The following SRGAP3 variants were observed in gnomAD, a reference collection of about 807,000 sequenced individuals.
SRGAP3 encodes the protein SLIT-ROBO Rho GTPase-activating protein 3.
SRGAP3 carries 39 observed loss-of-function variants against 121.1 expected under a neutral mutation model. The observed-to-expected ratio is 0.32, with a 90% confidence interval of 0.25 to 0.42. The LOEUF (loss-of-function observed/expected upper bound fraction) is 0.42. Among genes scored for constraint, SRGAP3 ranks in the 10% least tolerant of loss-of-function variants. The probability of loss-of-function intolerance (pLI) is 1.00; values close to 1 mark genes in which losing one functional copy is unlikely to be tolerated. For synonymous variants in SRGAP3, 601 were observed against 570.0 expected (o/e 1.05, Z -0.77); for missense variants, 1,213 against 1,470.6 (o/e 0.82, Z 2.86).
At chr3:9,287,182 G>A (rs1485040540) in intron 3 of SRGAP3, among the ~76,000 whole-genome samples, 2 of 151,798 alleles carry the variant, frequency 1.3e-5, no homozygotes, top group Non-Finnish European at 2.9e-5. Flanking sequence ...AGTAGAGACA[G>A]GGTTTCACCA....
intron 14 of SRGAP3, among the ~76,000 whole-genome samples, chr3:9,016,712 T>C (rs1192857373): frequency 6.6e-6 from 1 of 152,172 alleles, no homozygotes; most frequent in African/African-American, 2.4e-5. Context: ...CACCCAATGG[T>C]TTTAGCATCC....
At chr3:8,986,079 C>T in intron 21 of SRGAP3, 147 bp from the exon 22 acceptor site, 1 of 1,490,442 alleles carries the variant, frequency 6.7e-7, no homozygotes, top group Admixed American at 2.0e-5. Context: ...GTCTTATAAC[C>T]ACATGGGAGA....
rs185141636 is a variant in SRGAP3, at chr3:9,076,701, C to T, written c.486+3324G>A. Among the ~76,000 whole-genome samples, 1,504 of 151,402 alleles carry T rather than the reference C, an allele frequency of 9.9e-3. 9 individuals are homozygous for T. Among genetic ancestry groups the T allele is most frequent in the Non-Finnish European group, 0.016 (1,103 of 67,780 alleles). Reference sequence around the variant, plus strand: ...CTGAATCTTTTTCCTTCTTGTTCTCCCTCCCTCCCTCCCTCCTCCTCTCAA... The same window carrying T: ...CTGAATCTTTTTCCTTCTTGTTCTCTCTCCCTCCCTCCCTCCTCCTCTCAA... On this transcript the variant is annotated intron_variant, in intron 4 of 21. Coordinates refer to ENST00000383836, the MANE Select transcript of SRGAP3 (RefSeq NM_014850.4).
intron 1 of SRGAP3, among the ~76,000 whole-genome samples, chr3:9,198,068 T>C (rs1416290263): frequency 6.6e-6 from 1 of 152,240 alleles, no homozygotes; most frequent in Non-Finnish European, 1.5e-5. Flanking sequence ...TAGTAAACTG[T>C]GTTATCATAC....
At chr3:9,296,776 A>G (rs923747062) in intron 3 of SRGAP3, among the ~76,000 whole-genome samples, 1 of 152,244 alleles carries the variant, frequency 6.6e-6, no homozygotes, top group Non-Finnish European at 1.5e-5. Context: ...AGCACTTAAC[A>G]TTGTGCCTAG....
intron 3 of SRGAP3, among the ~76,000 whole-genome samples, chr3:9,325,124 T>C (rs1955496467): frequency 6.6e-6 from 1 of 151,854 alleles, no homozygotes; most frequent in Non-Finnish European, 1.5e-5. Context: ...CTTTCAGTTT[T>C]TGTCATTCCA....
Position 9,299,359 on chromosome 3 carries a change from C to CA in SRGAP3, n.442+26650dup, listed in dbSNP as rs35608018. Among the ~76,000 whole-genome samples, 393 of 91,028 alleles carry CA rather than the reference C, an allele frequency of 4.3e-3. 3 individuals are homozygous for CA. The highest frequency in any genetic ancestry group is 8.3e-3 in the African/African-American group (184 of 22,136). The allele number at this position is 91,028 out of a possible 152,430, so 59.7% of individuals were successfully genotyped here. ...CTGGTGGCAGAGCGAGACTCCGTCC[C>CA]AAAAAAAAAAAAAAAAAGAAAAGAA... is the stretch of plus-strand genomic sequence containing the variant. On this transcript the variant is annotated intron_variant and non_coding_transcript_variant, in intron 3 of 3. Transcript: ENST00000490889.
Position 8,994,357 on chromosome 3 carries a change from T to G in SRGAP3, c.2394A>C (p.Ile798=). Residue 798 remains isoleucine (I), a synonymous_variant, in exon 19 of 22, where the codon ATA becomes ATC. Coordinates refer to ENST00000383836, the MANE Select transcript of SRGAP3 (RefSeq NM_014850.4). ...ACTCCACTCACATGTCCTGTACAAC[T>G]ATGTACTGATGGGGGATGAGTCCAT... ...GVDGLIPHQY[I]VVQDMDDAFS... is the part of the protein sequence containing the mutation. 6.2e-7 allele frequency: 1 copy of G among 1,614,168 alleles called. No individual in the cohort carries two copies. The highest frequency in any genetic ancestry group is 1.1e-5 in the South Asian group (1 of 91,084).
chr3:9,110,959 T>C (rs1458361259), intron 2 of SRGAP3, among the ~76,000 whole-genome samples: 2 of 152,260 alleles, frequency 1.3e-5, no homozygotes, highest in Admixed American at 6.5e-5. Context: ...AGCTGTGGAC[T>C]CCGGGCAGGC....
rs1243147025 is a variant in SRGAP3 at position 9,122,708 on chromosome 3, CA to C, written c.260+2016del. ...TGGGTGGCAGAGCAAGACTCCGTCTCAAAAAAAAAAAAAAAAAAGGGAGAAG... is the reference window on the plus strand; with the variant it reads ...TGGGTGGCAGAGCAAGACTCCGTCTCAAAAAAAAAAAAAAAAAGGGAGAAG... On this transcript the variant is annotated intron_variant, in intron 2 of 21. Transcript: ENST00000383836. 6.7e-3 allele frequency among the ~76,000 whole-genome samples: 441 copies of C among 66,200 alleles called. 1 individual carries two copies. The highest frequency in any genetic ancestry group is 0.023 in the East Asian group (52 of 2,296). 43.4% of individuals were successfully genotyped at this position (66,200 alleles called of 152,430 possible).
chr3:9,276,734 C>T (rs936442051), intron 3 of SRGAP3, among the ~76,000 whole-genome samples: 2 of 152,208 alleles, frequency 1.3e-5, no homozygotes, highest in African/African-American at 4.8e-5. Flanking sequence ...CGAATTTTTA[C>T]CATTATTACC....
At chr3:9,201,283 G>A (rs552396022) in intron 1 of SRGAP3, among the ~76,000 whole-genome samples, 9 of 152,294 alleles carry the variant, frequency 5.9e-5, no homozygotes, top group Admixed American at 4.6e-4. Context: ...GTGAGGAAAA[G>A]GGACTGTAAG....
intron 10 of SRGAP3, 83 bp downstream of exon 10, chr3:9,047,308 A>G: frequency 7.0e-7 from 1 of 1,432,136 alleles, no homozygotes; most frequent in Non-Finnish European, 9.7e-7. Flanking sequence ...CTCAAGCCTG[A>G]ACAGCTCAAC....
chr3:9,012,240 T>C (rs917612988), intron 17 of SRGAP3, among the ~76,000 whole-genome samples: 6 of 152,200 alleles, frequency 3.9e-5, no homozygotes. Context: ...ACTAAGGCAA[T>C]TCAAAAGTCC....
intron 18 of SRGAP3, among the ~76,000 whole-genome samples, chr3:9,004,604 A>G (rs1310233473): frequency 6.6e-6 from 1 of 152,244 alleles, no homozygotes; most frequent in Non-Finnish European, 1.5e-5. Flanking sequence ...TGCAAGTTCA[A>G]AAATAAACCC....
chr3:9,177,202 A>C (rs538176728), intron 1 of SRGAP3, among the ~76,000 whole-genome samples: 1 of 152,352 alleles, frequency 6.6e-6, no homozygotes, highest in Non-Finnish European at 1.5e-5. Flanking sequence ...TGTGGACACA[A>C]AAGGAAGCAA....
In SRGAP3 at chr3:9,239,607, A is replaced by T. The variant is rs763814004; in HGVS notation, c.67+9278T>A. Among the ~76,000 whole-genome samples, 1 of 152,212 alleles carries T rather than the reference A, an allele frequency of 6.6e-6. No individual in the cohort carries two copies. The highest frequency in any genetic ancestry group is 2.4e-5 in the African/African-American group (1 of 41,442). ...GGAACCTGGAACACTCTGCTGCAGC[A>T]GTGTGCACCCCATTACCATCACGCA... is the stretch of plus-strand genomic sequence containing the variant. On this transcript the variant is annotated intron_variant, in intron 1 of 21. Transcript: ENST00000383836. The surrounding 1 kb of genome is among the most constrained non-coding windows in gnomAD (Gnocchi z 4.0).
chr3:9,254,428 G>A (rs1187941956), upstream of SRGAP3, among the ~76,000 whole-genome samples: 1 of 152,206 alleles, frequency 6.6e-6, no homozygotes, highest in Non-Finnish European at 1.5e-5. Context: ...AAGAGTGGTT[G>A]TCAGGGGCTA....
chr3:9,068,520 T>C (rs1946533801), intron 4 of SRGAP3, among the ~76,000 whole-genome samples: 1 of 152,154 alleles, frequency 6.6e-6, no homozygotes. Flanking sequence ...ATCTACTCGA[T>C]TCCTGATTCC....
Sources: allele counts gnomAD v4.1 joint callset (sites outside exome capture counted in the v4.1 genomes callset), GRCh38; gene constraint gnomAD v4.1.1; non-coding constraint Gnocchi (gnomAD v3.1); transcripts MANE v1.5; gene names NCBI Gene and HGNC (gene_info 2026-07-23, HGNC 2026-07-21).